LOC128462377: variants seen among roughly 807,000 people sequenced by gnomAD.
the LOC128462377 span, among the ~76,000 whole-genome samples, chr16:89,352,608 T>A: frequency 6.6e-6 from 1 of 152,172 alleles, no homozygotes; most frequent in African/African-American, 2.4e-5. Flanking sequence ...TCACACACAC[T>A]GTGGTAGATC....
At chr16:89,337,722 A>G in the LOC128462377 span, among the ~76,000 whole-genome samples, 1 of 152,196 alleles carries the variant, frequency 6.6e-6, no homozygotes, top group South Asian at 2.1e-4. Flanking sequence ...TTACAGGCGT[A>G]AGCCACTGTG....
chr16:89,347,274 G>A, the LOC128462377 span, among the ~76,000 whole-genome samples: 4 of 152,226 alleles, frequency 2.6e-5, no homozygotes, highest in African/African-American at 9.6e-5. Flanking sequence ...TGTCGCACAT[G>A]TGTGTACCTG....
chr16:89,318,238 A>T, the LOC128462377 span, among the ~76,000 whole-genome samples: 2 of 152,136 alleles, frequency 1.3e-5, no homozygotes, highest in Non-Finnish European at 2.9e-5. Context: ...ACACTCTCGG[A>T]GCATGGGCCT....
At chr16:89,352,815 C>T in the LOC128462377 span, among the ~76,000 whole-genome samples, 1 of 152,206 alleles carries the variant, frequency 6.6e-6, no homozygotes, top group African/African-American at 2.4e-5. Context: ...AAGATGACCA[C>T]ATGGGCCCCC....
the LOC128462377 span, among the ~76,000 whole-genome samples, chr16:89,378,266 G>A: frequency 6.6e-6 from 1 of 152,162 alleles, no homozygotes; most frequent in Non-Finnish European, 1.5e-5. Flanking sequence ...TGATCAGGAA[G>A]GCACTGGTCA....
the LOC128462377 span, among the ~76,000 whole-genome samples, chr16:89,368,282 G>A: frequency 3.4e-5 from 5 of 146,680 alleles, no homozygotes; most frequent in East Asian, 8.1e-4. Flanking sequence ...TGCAACCTCC[G>A]CCTCCCAGGT....
the LOC128462377 span, among the ~76,000 whole-genome samples, chr16:89,326,396 C>A: frequency 6.6e-6 from 1 of 151,502 alleles, no homozygotes; most frequent in Non-Finnish European, 1.5e-5. Flanking sequence ...CACCCCGCTG[C>A]AGAAGGTGCA....
chr16:89,332,754 G>A, the LOC128462377 span, among the ~76,000 whole-genome samples: 1 of 152,180 alleles, frequency 6.6e-6, no homozygotes, highest in East Asian at 1.9e-4. Flanking sequence ...CCGCTGCCCT[G>A]ACCTCCCTAG....
chr16:89,338,843 C>T, the LOC128462377 span, among the ~76,000 whole-genome samples: 1 of 151,862 alleles, frequency 6.6e-6, no homozygotes, highest in Non-Finnish European at 1.5e-5. Flanking sequence ...AATCATTTCC[C>T]TTTCTTAGCT....
the LOC128462377 span, among the ~76,000 whole-genome samples, chr16:89,399,203 C>T: frequency 3.9e-5 from 6 of 152,116 alleles, no homozygotes; most frequent in Admixed American, 2.6e-4. Context: ...GAGGCAGAAC[C>T]GAGTTCAGGG....
At chr16:89,320,913 G>A in the LOC128462377 span, among the ~76,000 whole-genome samples, 887 of 152,326 alleles carry the variant, frequency 5.8e-3, 5 homozygotes, top group African/African-American at 0.02. Flanking sequence ...ATCCTTCTAC[G>A]GGGCTGGCAG....
At chr16:89,384,592 G>A in the LOC128462377 span, among the ~76,000 whole-genome samples, 1 of 152,166 alleles carries the variant, frequency 6.6e-6, no homozygotes, top group African/African-American at 2.4e-5. Context: ...GGATGGGGCA[G>A]GACAGAGCAG....
chr16:89,369,664 AG>A, the LOC128462377 span, among the ~76,000 whole-genome samples: 1 of 152,188 alleles, frequency 6.6e-6, no homozygotes, highest in Admixed American at 6.5e-5. Context: ...TGGTGACGCA[AG>A]GGTTTTAAGG....
chr16:89,411,762 T>C, the LOC128462377 span, among the ~76,000 whole-genome samples: 5 of 152,118 alleles, frequency 3.3e-5, no homozygotes, highest in Admixed American at 2.0e-4. Flanking sequence ...TTTTTCCCAA[T>C]GGACAACACA....
the LOC128462377 span, among the ~76,000 whole-genome samples, chr16:89,332,154 G>A: frequency 6.0e-3 from 914 of 151,928 alleles, 9 homozygotes; most frequent in Non-Finnish European, 1.0e-2. Context: ...AATCTTAAAA[G>A]ACACAATTCC....
At chr16:89,369,418 C>A in the LOC128462377 span, among the ~76,000 whole-genome samples, 6 of 152,238 alleles carry the variant, frequency 3.9e-5, no homozygotes. Flanking sequence ...CTGATGCCTG[C>A]TGCAGCAAGG....
chr16:89,417,368 A>C, the LOC128462377 span, among the ~76,000 whole-genome samples: 1 of 152,248 alleles, frequency 6.6e-6, no homozygotes, highest in Non-Finnish European at 1.5e-5. Flanking sequence ...AATTTAGCCA[A>C]GTTTTCTCTT....
the LOC128462377 span, among the ~76,000 whole-genome samples, chr16:89,411,331 G>A: frequency 6.6e-6 from 1 of 152,184 alleles, no homozygotes; most frequent in African/African-American, 2.4e-5. Flanking sequence ...ACACAGCGGT[G>A]GGAAACCTTG....
chr16:89,372,018 C>G, the LOC128462377 span, among the ~76,000 whole-genome samples: 1 of 152,202 alleles, frequency 6.6e-6, no homozygotes, highest in Non-Finnish European at 1.5e-5. Flanking sequence ...GGGCCAAGAA[C>G]ATGGTGAAGC....
Sources: gnomAD v4.1 joint callset for allele counts (sites outside exome capture counted in the v4.1 genomes callset) on GRCh38, gnomAD v4.1.1 for gene constraint, MANE v1.5 for transcripts.